The following SCTR variants were observed in gnomAD, a reference collection of about 807,000 sequenced individuals.
SCTR encodes pancreatic secretin receptor.
SCTR carries 56 observed loss-of-function variants against 60.8 expected under a neutral mutation model. The ratio of observed to expected loss-of-function variants is 0.92; its 90% CI spans 0.74 to 1.15. The LOEUF is 1.15. Ranked by LOEUF, SCTR falls within the 50% of genes most tolerant of loss-of-function variation. The probability of loss-of-function intolerance (pLI) is 0.00; values close to 1 mark genes in which losing one functional copy is unlikely to be tolerated. For synonymous variants in SCTR, 202 were observed against 217.0 expected (o/e 0.93, Z 0.61); for missense variants, 562 against 550.4 (o/e 1.02, Z -0.21).
intron 3 of SCTR, among the ~76,000 whole-genome samples, chr2:119,474,200 G>A (rs1677161528): frequency 2.6e-5 from 4 of 152,160 alleles, no homozygotes; most frequent in Admixed American, 2.0e-4. Flanking sequence ...CTCACCACAT[G>A]GGCAGTGGCT....
At chr2:119,501,921 T>C (rs1678566903) in intron 1 of SCTR, among the ~76,000 whole-genome samples, 1 of 152,124 alleles carries the variant, frequency 6.6e-6, no homozygotes, top group South Asian at 2.1e-4. Flanking sequence ...ACAAACAAAT[T>C]GTATTTCTAT....
At chr2:119,453,662 G>A (rs753026816) in intron 7 of SCTR, among the ~76,000 whole-genome samples, 26 of 152,212 alleles carry the variant, frequency 1.7e-4, no homozygotes, top group Non-Finnish European at 8.8e-5. Context: ...TGGGACTCCT[G>A]GGCAGGCTCG....
At chr2:119,456,667 T>A (rs1346025850) in intron 7 of SCTR, among the ~76,000 whole-genome samples, 2 of 152,134 alleles carry the variant, frequency 1.3e-5, no homozygotes, top group African/African-American at 4.8e-5. Flanking sequence ...GGTTGAATAG[T>A]GTCTCCCTAA....
intron 1 of SCTR, among the ~76,000 whole-genome samples, chr2:119,517,360 A>G (rs1431821377): frequency 3.3e-5 from 5 of 152,086 alleles, no homozygotes; most frequent in Non-Finnish European, 5.9e-5. Context: ...AAGGTCTCCT[A>G]TGTTGCCCAG....
At chr2:119,476,531 A>C (rs1474175396) in intron 3 of SCTR, 1 of 152,238 alleles carries the variant, frequency 6.6e-6, no homozygotes, top group Non-Finnish European at 1.5e-5. Flanking sequence ...ATCCAAGGGT[A>C]GGGGAGCCTC....
chr2:119,467,574 A>T (rs1683890865), intron 4 of SCTR, among the ~76,000 whole-genome samples: 1 of 152,218 alleles, frequency 6.6e-6, no homozygotes, highest in African/African-American at 2.4e-5. Flanking sequence ...AGAAATATGT[A>T]TCAAGAACCT....
At chr2:119,511,744 T>A (rs1203822766) in intron 1 of SCTR, among the ~76,000 whole-genome samples, 1 of 152,186 alleles carries the variant, frequency 6.6e-6, no homozygotes, top group Non-Finnish European at 1.5e-5. Context: ...CTTGGTTTGC[T>A]CTCATTTTGC....
At chr2:119,478,752 C>T (rs1677453570) in intron 3 of SCTR, 59 bp downstream of exon 3, 1 of 1,544,812 alleles carries the variant, frequency 6.5e-7, no homozygotes, top group African/African-American at 1.4e-5. Flanking sequence ...TAAGCTGAGG[C>T]CCCACCCAGA....
Position 119,439,865 on chromosome 2 carries a change from T to G in SCTR, c.*252A>C. ...AGATTGAATCTCATCCCAGGCACCA[T>G]TTATTTCCCTGTCCCTTTCTGGGAC... is the stretch of plus-strand genomic sequence containing the variant. On this transcript the variant is annotated 3_prime_UTR_variant, in exon 13 of 13. Transcript: ENST00000019103. 2.1e-6 allele frequency: 1 copy of G among 473,938 alleles called. No homozygotes were observed. The highest frequency in any genetic ancestry group is 3.8e-6 in the Non-Finnish European group (1 of 266,414). 29.4% of individuals were successfully genotyped at this position (473,938 alleles called of 1,614,324 possible).
chr2:119,453,424 G>C, intron 7 of SCTR, 77 bp from the exon 8 acceptor site: 1 of 1,145,454 alleles, frequency 8.7e-7, no homozygotes, highest in Non-Finnish European at 1.3e-6. Flanking sequence ...CAGGACAATT[G>C]GTTACCCCAG....
intron 2 of SCTR, chr2:119,479,347 C>T (rs114207421): frequency 1.1e-5 from 10 of 920,472 alleles, no homozygotes; most frequent in Non-Finnish European, 1.2e-5. Context: ...ACCTAGCCGG[C>T]GTGGCACACA....
chr2:119,518,260 T>C (rs12624235), intron 1 of SCTR, among the ~76,000 whole-genome samples: 31,687 of 152,182 alleles, frequency 0.21, 4,413 homozygotes, highest in East Asian at 0.79. Context: ...GGGTACAATT[T>C]AGACACATCT....
In SCTR at chr2:119,489,225, G is replaced by A. The variant is rs185006853; in HGVS notation, c.193+5203C>T. 5.4e-3 allele frequency among the ~76,000 whole-genome samples: 819 copies of A among 152,298 alleles called. 8 individuals carry two copies. The highest frequency in any genetic ancestry group is 0.018 in the African/African-American group (753 of 41,562). The stretch of plus-strand genomic sequence containing the variant: ...TCCCTCCACCGGTGACCAGGACCAC[G>A]TTGCTCGCCTCAGCTAATTTGTGAC... On this transcript the variant is annotated intron_variant, in intron 2 of 12. Coordinates refer to ENST00000019103, the MANE Select transcript of SCTR (RefSeq NM_002980.3).
chr2:119,494,668 T>G, intron 1 of SCTR, 120 bp from the exon 2 acceptor site: 5 of 1,003,250 alleles, frequency 5.0e-6, no homozygotes, highest in Non-Finnish European at 7.3e-6. Flanking sequence ...AGCCCTTGCC[T>G]GCAAGGATCT....
intron 2 of SCTR, 31 bp from the exon 3 acceptor site, chr2:119,478,949 G>T: frequency 1.2e-6 from 2 of 1,613,720 alleles, no homozygotes; most frequent in Non-Finnish European, 1.7e-6. Flanking sequence ...AGACAAGGAT[G>T]GGGGATGGAC....
At chr2:119,509,015 G>A (rs1159872060) in intron 1 of SCTR, among the ~76,000 whole-genome samples, 1 of 152,338 alleles carries the variant, frequency 6.6e-6, no homozygotes, top group African/African-American at 2.4e-5. Context: ...TGGTCTCAAC[G>A]CCCTATGGGG....
At chr2:119,516,156 G>C (rs1382136921) in intron 1 of SCTR, among the ~76,000 whole-genome samples, 1 of 152,156 alleles carries the variant, frequency 6.6e-6, no homozygotes, top group East Asian at 1.9e-4. Flanking sequence ...AGACAGCATG[G>C]AGCTTCCTCA....
intron 1 of SCTR, among the ~76,000 whole-genome samples, chr2:119,497,327 C>A (rs1678390165): frequency 6.6e-6 from 1 of 151,246 alleles, no homozygotes; most frequent in Non-Finnish European, 1.5e-5. Flanking sequence ...AGGGAGCACC[C>A]ATTCCCCCCA....
At chr2:119,492,845 T>C (rs1678190352) in intron 2 of SCTR, among the ~76,000 whole-genome samples, 1 of 138,248 alleles carries the variant, frequency 7.2e-6, no homozygotes, top group South Asian at 2.4e-4. Flanking sequence ...TTTATTTATT[T>C]ATTTATTTAT....
Sources: allele counts gnomAD v4.1 joint callset (sites outside exome capture counted in the v4.1 genomes callset), GRCh38; gene constraint gnomAD v4.1.1; transcripts MANE v1.5; gene names NCBI Gene and HGNC (gene_info 2026-07-23, HGNC 2026-07-21).